STX8: variants seen among roughly 807,000 people sequenced by gnomAD.
STX8 encodes the protein syntaxin 8, also known as syntaxin-8.
STX8 carries 23 observed loss-of-function variants against 37.5 expected under a neutral mutation model. The ratio of observed to expected loss-of-function variants is 0.61; its 90% CI spans 0.44 to 0.87. The LOEUF is 0.87. Among genes scored for constraint, STX8 ranks in the 40% least tolerant of loss-of-function variants. The pLI is 0.00. For missense variants in STX8, 313 were observed against 284.7 expected, an observed-to-expected ratio of 1.10 and a Z score of -0.71; for synonymous variants, 115 against 99.1, an observed-to-expected ratio of 1.16 and a Z score of -0.95.
chr17:9,554,537 G>A (rs1371929548), intron 3 of STX8: 3 of 152,174 alleles, frequency 2.0e-5, no homozygotes, highest in African/African-American at 7.2e-5. Flanking sequence ...GGGAAGGGAA[G>A]ATGGGAGGAA....
At chr17:9,460,709 C>CACA (rs1379769655) in intron 6 of STX8, among the ~76,000 whole-genome samples, 1 of 147,904 alleles carries the variant, frequency 6.8e-6, no homozygotes, top group Non-Finnish European at 1.5e-5. Context: ...CTACTAAATT[C>CACA]ACAACAACAA....
intron 6 of STX8, among the ~76,000 whole-genome samples, chr17:9,453,973 C>T (rs1180073290): frequency 6.6e-6 from 1 of 152,118 alleles, no homozygotes; most frequent in Admixed American, 6.6e-5. Context: ...TGGGAAACCG[C>T]TCTCACATGG....
At chr17:9,298,939 A>G (rs1908665225) in intron 7 of STX8, among the ~76,000 whole-genome samples, 1 of 152,220 alleles carries the variant, frequency 6.6e-6, no homozygotes, top group Admixed American at 6.5e-5. Flanking sequence ...GATGTGGCTT[A>G]AAACAAGATG....
chr17:9,281,161 G>A (rs1440984542), intron 7 of STX8, among the ~76,000 whole-genome samples: 5 of 152,196 alleles, frequency 3.3e-5, no homozygotes, highest in African/African-American at 1.2e-4. Flanking sequence ...GGGCAGAACT[G>A]GAACAGGAAG....
Position 9,474,685 on chromosome 17 carries a change from G to C in STX8, c.541+17144C>G, listed in dbSNP as rs573856946. ...AGTCCAACTGGCTATAAAGCGAAGG[G>C]TTCCCAGCCAGGCACAGTGGCTCAC... On this transcript the variant is annotated intron_variant, in intron 6 of 7. Coordinates refer to ENST00000306357, the MANE Select transcript of STX8 (RefSeq NM_004853.3). Among the ~76,000 whole-genome samples the C allele has an allele frequency of 1.1e-4, 17 of 152,314 alleles. No individual in the cohort carries two copies. In the South Asian group the frequency reaches 3.3e-3, roughly 30 times the overall value.
intron 7 of STX8, among the ~76,000 whole-genome samples, chr17:9,331,484 C>T (rs1909959997): frequency 6.6e-6 from 1 of 152,026 alleles, no homozygotes; most frequent in Non-Finnish European, 1.5e-5. Flanking sequence ...TAGCAGCTGC[C>T]CAGGGTGGGT....
At chr17:9,271,626 T>C (rs1461315057) in intron 7 of STX8, among the ~76,000 whole-genome samples, 1 of 151,972 alleles carries the variant, frequency 6.6e-6, no homozygotes, top group Non-Finnish European at 1.5e-5. Context: ...AGCACGCACC[T>C]GTAGTCCCAG....
chr17:9,303,413 A>C (rs1223512462), intron 7 of STX8, among the ~76,000 whole-genome samples: 1 of 152,210 alleles, frequency 6.6e-6, no homozygotes, highest in Non-Finnish European at 1.5e-5. Flanking sequence ...ATACTGTTAT[A>C]ATATGGTTGC....
At chr17:9,395,957 A>T (rs1912386157) in intron 6 of STX8, among the ~76,000 whole-genome samples, 1 of 152,342 alleles carries the variant, frequency 6.6e-6, no homozygotes, top group East Asian at 1.9e-4. Context: ...AAAGCCTTAC[A>T]TTACTTAGGC....
At chr17:9,466,303 T>G (rs1291944649) in intron 6 of STX8, among the ~76,000 whole-genome samples, 1 of 152,184 alleles carries the variant, frequency 6.6e-6, no homozygotes, top group Non-Finnish European at 1.5e-5. Flanking sequence ...TCTCATGCCC[T>G]GATATTCATA....
At chr17:9,451,366 G>A (rs561123051) in intron 6 of STX8, among the ~76,000 whole-genome samples, 2 of 152,172 alleles carry the variant, frequency 1.3e-5, no homozygotes, top group South Asian at 2.1e-4. Flanking sequence ...ATCTCAGTTC[G>A]AGAACTTACA....
intron 4 of STX8, among the ~76,000 whole-genome samples, chr17:9,530,912 C>T (rs1397848564): frequency 3.9e-5 from 6 of 152,192 alleles, no homozygotes; most frequent in African/African-American, 1.4e-4. Flanking sequence ...TAAAAATGTT[C>T]TCCTGTTTTC....
intron 7 of STX8, among the ~76,000 whole-genome samples, chr17:9,300,261 G>C (rs1908721643): frequency 1.3e-5 from 2 of 150,360 alleles, no homozygotes; most frequent in Admixed American, 1.3e-4. Flanking sequence ...AACCTGGGAG[G>C]AGGAGGTTGC....
At chr17:9,278,205 T>C (rs1368426358) in intron 7 of STX8, among the ~76,000 whole-genome samples, 1 of 152,170 alleles carries the variant, frequency 6.6e-6, no homozygotes, top group Non-Finnish European at 1.5e-5. Context: ...CCCAGCACTT[T>C]GGGAGGCCGA....
At chr17:9,545,491 G>A (rs549724230) in intron 3 of STX8, among the ~76,000 whole-genome samples, 2 of 152,324 alleles carry the variant, frequency 1.3e-5, no homozygotes, top group African/African-American at 4.8e-5. Flanking sequence ...GACCATCGCA[G>A]AGGCACTTAT....
chr17:9,439,225 A>G (rs527274431), intron 6 of STX8, among the ~76,000 whole-genome samples: 1 of 152,300 alleles, frequency 6.6e-6, no homozygotes, highest in East Asian at 1.9e-4. Flanking sequence ...CCAATTCTAG[A>G]TAAGGTATTC....
intron 7 of STX8, among the ~76,000 whole-genome samples, chr17:9,278,634 G>A (rs1045165149): frequency 6.6e-6 from 1 of 152,128 alleles, no homozygotes; most frequent in Non-Finnish European, 1.5e-5. Context: ...GCTGCAGAGG[G>A]ATTTAAGCTG....
chr17:9,267,356 A>C (rs1428224089), intron 7 of STX8, among the ~76,000 whole-genome samples: 1 of 152,154 alleles, frequency 6.6e-6, no homozygotes, highest in Non-Finnish European at 1.5e-5. Context: ...TACTAGTCTC[A>C]CCTGCTGGAA....
intron 6 of STX8, among the ~76,000 whole-genome samples, chr17:9,416,200 C>G (rs745625143): frequency 4.6e-5 from 7 of 152,186 alleles, no homozygotes; most frequent in Non-Finnish European, 8.8e-5. Flanking sequence ...GCTTCATTCT[C>G]AGAGATCCCA....
Sources: gnomAD v4.1 joint callset for allele counts (sites outside exome capture counted in the v4.1 genomes callset) on GRCh38, gnomAD v4.1.1 for gene constraint, MANE v1.5 for transcripts, NCBI Gene and HGNC (gene_info 2026-07-23, HGNC 2026-07-21) for gene names.